SLITRK3: variants seen among roughly 807,000 people sequenced by gnomAD.
SLITRK3 encodes the protein SLIT and NTRK-like protein 3.
Under a neutral mutation model 63.6 loss-of-function variants are expected in SLITRK3, and 16 were observed. That is an observed-to-expected ratio of 0.25 (90% confidence interval 0.17 to 0.38). SLITRK3 has a LOEUF of 0.38. Among genes scored for constraint, SLITRK3 ranks in the 10% least tolerant of loss-of-function variants. SLITRK3 has a pLI of 1.00. For missense variants in SLITRK3, 1,117 were observed against 1,181.4 expected (o/e 0.95, Z 0.80); for synonymous variants, 547 against 451.6 (o/e 1.21, Z -2.68).
rs1354194536 is a variant in SLITRK3 at position 165,187,486 on chromosome 3, T to C, written c.*411A>G. 1 of 154,030 alleles carries C rather than the reference T, an allele frequency of 6.5e-6. No homozygotes were observed. The highest frequency in any genetic ancestry group is 6.6e-5 in the Admixed American group (1 of 15,216). The allele number at this position is 154,030 out of a possible 1,614,324, so 9.5% of individuals were successfully genotyped here. A position where few individuals can be genotyped will look rare whatever the true frequency, so the allele number is the denominator to read the frequency against. The stretch of plus-strand genomic sequence containing the variant: ...ACAAATGTCAACTTGTTTCCCCCCC[T>C]TTAAATCAAAACTACAACTATAAAA... On this transcript the variant is annotated 3_prime_UTR_variant, in exon 2 of 2. Coordinates refer to ENST00000475390, the MANE Select transcript of SLITRK3 (RefSeq NM_001318810.2).
chr3:165,196,436 G>T (rs941906049), upstream of SLITRK3, among the ~76,000 whole-genome samples: 2 of 146,988 alleles, frequency 1.4e-5, no homozygotes, highest in African/African-American at 5.0e-5. Flanking sequence ...AAGGTGCGGG[G>T]GAGGGGGGTG....
chr3:165,190,273 G>A lies in SLITRK3; in HGVS notation c.558C>T (p.Pro186=). The A allele has an allele frequency of 6.2e-7, 1 of 1,614,120 alleles. No homozygotes were observed. The highest frequency in any genetic ancestry group is 8.5e-7 in the Non-Finnish European group (1 of 1,179,988). The change falls in exon 2 of 2, where the codon CCC becomes CCT. Residue 186 remains proline, a synonymous_variant. Transcript: ENST00000475390. ...CCTTAAATAAATTGGTTGGAAGCAT[G>A]GGGATGAGATTATCATTTAAAATCA... is the stretch of plus-strand genomic sequence containing the variant. ...RVLILNDNLI[P]MLPTNLFKAV...
rs144918668 is a variant in SLITRK3 at position 165,188,248 on chromosome 3, G to A, written c.2583C>T (p.Arg861=). The A allele has an allele frequency of 9.9e-6, 16 of 1,613,512 alleles. No homozygotes were observed. The highest frequency in any genetic ancestry group is 1.3e-5 in the Non-Finnish European group (15 of 1,179,872). ...CCACCCCACCATTTTTCTCATGGTG[G>A]CGGAACCCTGCCAAGTCTCCCCCAG... is the stretch of plus-strand genomic sequence containing the variant. ...GGTGGDLAGF[R]HHEKNGGVVL... Residue 861 remains arginine, a synonymous_variant, in exon 2 of 2, where the codon CGC becomes CGT. Coordinates refer to ENST00000475390, the MANE Select transcript of SLITRK3 (RefSeq NM_001318810.2).
At chr3:165,192,865 C>G (rs1212587437) in intron 1 of SLITRK3, among the ~76,000 whole-genome samples, 2 of 152,198 alleles carry the variant, frequency 1.3e-5, no homozygotes, top group African/African-American at 4.8e-5. Flanking sequence ...GGTGGCTGCT[C>G]TCTTTGGGTA....
chr3:165,188,929 C>T lies in SLITRK3; in HGVS notation c.1902G>A (p.Gly634=), dbSNP rs781743208. The T allele has an allele frequency of 2.5e-6, 4 of 1,614,044 alleles. No individual in the cohort carries two copies. Among genetic ancestry groups the T allele is most frequent in the African/African-American group, 1.3e-5 (1 of 75,028 alleles). Residue 634 remains glycine (G), a synonymous_variant, in exon 2 of 2, where the codon GGG becomes GGA. Coordinates refer to ENST00000475390, the MANE Select transcript of SLITRK3 (RefSeq NM_001318810.2). ...PAQPGDSHLI[G]APTSASPYEF... is the part of the protein sequence containing the mutation. Reference sequence around the variant, plus strand: ...CATAAGGTGATGCACTGGTTGGTGCCCCAATAAGGTGAGAATCTCCAGGCT... The same window carrying T: ...CATAAGGTGATGCACTGGTTGGTGCTCCAATAAGGTGAGAATCTCCAGGCT...
upstream of SLITRK3, chr3:165,196,545 C>T (rs1718424799): frequency 6.5e-6 from 1 of 153,348 alleles, no homozygotes; most frequent in South Asian, 1.8e-4. Flanking sequence ...AAAAGTGCCA[C>T]TTTAATGGCC....
chr3:165,189,235 G>C lies in SLITRK3; in HGVS notation c.1596C>G (p.Leu532=). ...AGAGGAAGTAGTTCTTCCTCAGGTT[G>C]AGCCGGGCCAGGGATGTGCCAGCAA... is the stretch of plus-strand genomic sequence containing the variant. ...DAFAGTSLAR[L]NLRKNYFLYL... Residue 532 remains leucine (L), a synonymous_variant, in exon 2 of 2, where the codon CTC becomes CTG. Coordinates refer to ENST00000475390, the MANE Select transcript of SLITRK3 (RefSeq NM_001318810.2). This position sits in a 1 kb window ranked among gnomAD's most constrained non-coding sequence, Gnocchi z 4.0. 1 of 1,614,186 alleles carries C rather than the reference G, an allele frequency of 6.2e-7. No individual in the cohort carries two copies. Among genetic ancestry groups the C allele is most frequent in the African/African-American group, 1.3e-5 (1 of 75,046 alleles).
chr3:165,195,211 G>T (rs1718375119), intron 1 of SLITRK3, among the ~76,000 whole-genome samples: 1 of 152,140 alleles, frequency 6.6e-6, no homozygotes, highest in Non-Finnish European at 1.5e-5. Flanking sequence ...CAGGCGAAAC[G>T]CACAATGGTC....
Position 165,189,134 on chromosome 3 carries a change from C to T in SLITRK3, c.1697G>A (p.Cys566Tyr). 6.2e-7 allele frequency: 1 copy of T among 1,614,176 alleles called. No individual in the cohort carries two copies. The highest frequency in any genetic ancestry group is 8.5e-7 in the Non-Finnish European group (1 of 1,180,038). Residue 566 changes from cysteine to tyrosine, a missense_variant, in exon 2 of 2, where the codon TGC becomes TAC. Coordinates refer to ENST00000475390, the MANE Select transcript of SLITRK3 (RefSeq NM_001318810.2). This position sits in a 1 kb window ranked among gnomAD's most constrained non-coding sequence, Gnocchi z 4.0. ...QIDLNENPWD[C>Y]TCDLVPFKQW... ...TTTAAAGGGGACCAGGTCACAGGTG[C>T]AGTCCCAAGGATTCTCATTGAGGTC...
rs1718072438 is a variant in SLITRK3 at position 165,188,921 on chromosome 3, G to A, written c.1910C>T (p.Thr637Ile). 1 of 1,614,030 alleles carries A rather than the reference G, an allele frequency of 6.2e-7. No homozygotes were observed. Among genetic ancestry groups the A allele is most frequent in the African/African-American group, 1.3e-5 (1 of 74,942 alleles). ...PGDSHLIGAPTSASPYEFSPP... is the reference protein window; with the variant it reads ...PGDSHLIGAPISASPYEFSPP... Reference sequence around the variant, plus strand: ...AGAAAACTCATAAGGTGATGCACTGGTTGGTGCCCCAATAAGGTGAGAATC... The same window carrying A: ...AGAAAACTCATAAGGTGATGCACTGATTGGTGCCCCAATAAGGTGAGAATC... Residue 637 changes from threonine to isoleucine, a missense_variant, in exon 2 of 2, where the codon ACC becomes ATC. Physicochemically the swap from Thr to Ile is moderately conservative, Grantham distance 89. Around this residue, in one of 4 missense-constraint regions of SLITRK3, gnomAD observed 499 missense variants for 463.6 expected, o/e 1.08. Coordinates refer to ENST00000475390, the MANE Select transcript of SLITRK3 (RefSeq NM_001318810.2).
In SLITRK3 at chr3:165,188,580, A is replaced by G; in HGVS notation, c.2251T>C (p.Cys751Arg). 1 of 1,613,914 alleles carries G rather than the reference A, an allele frequency of 6.2e-7. No homozygotes were observed. Among genetic ancestry groups the G allele is most frequent in the Non-Finnish European group, 8.5e-7 (1 of 1,179,970 alleles). ...CGAGGCTTGTAGATGGGGTTGTTGC[A>G]CATTTGGGTAACCGGGTGGGGGATG... The part of the protein sequence containing the change: ...EYIPHPVTQM[C>R]NNPIYKPREE... The change falls in exon 2 of 2, where the codon TGC becomes CGC. Residue 751 changes from cysteine (C) to arginine (R), a missense_variant. Physicochemically the swap from Cys to Arg is radical, Grantham distance 180 (BLOSUM62 -3). Coordinates refer to ENST00000475390, the MANE Select transcript of SLITRK3 (RefSeq NM_001318810.2).
At chr3:165,193,329 G>A (rs1049577617) in intron 1 of SLITRK3, among the ~76,000 whole-genome samples, 5 of 150,842 alleles carry the variant, frequency 3.3e-5, no homozygotes, top group African/African-American at 1.2e-4. Context: ...AAACTCTCAA[G>A]GAAACCATCC....
intron 1 of SLITRK3, among the ~76,000 whole-genome samples, chr3:165,192,215 C>A (rs3729576): frequency 0.43 from 65,970 of 151,666 alleles, 16,472 homozygotes; most frequent in Non-Finnish European, 0.57. Context: ...AATAAATCTT[C>A]ACATTACACT....
Position 165,190,021 on chromosome 3 carries a change from C to T in SLITRK3, c.810G>A (p.Lys270=), listed in dbSNP as rs1225944259. ...CTGTCTTCCTGATTTCTCGTAGGTC[C>T]TTTCCATGGAAGTGGAAAGGGGTCT... ...TCETPFHFHG[K]DLREIRKTEL... The change falls in exon 2 of 2, where the codon AAG becomes AAA. Residue 270 remains lysine (K), a synonymous_variant. Transcript: ENST00000475390. 2.9e-5 allele frequency: 46 copies of T among 1,613,960 alleles called. No homozygotes were observed. Among genetic ancestry groups the T allele is most frequent in the Non-Finnish European group, 3.6e-5 (43 of 1,180,022 alleles).
Position 165,193,281 on chromosome 3 carries a change from CT to C in SLITRK3, c.-22+2298del, listed in dbSNP as rs1560056108. 2.8e-4 allele frequency among the ~76,000 whole-genome samples: 8 copies of C among 28,548 alleles called. No individual in the cohort carries two copies. The East Asian group carries it at 0.01, about 37-fold the overall frequency. 18.7% of individuals were successfully genotyped at this position (28,548 alleles called of 152,430 possible). On this transcript the variant is annotated intron_variant, in intron 1 of 1. Transcript: ENST00000475390. ...GGAGGGGGGCAGGGATAGGCATTTT[CT>C]TTCTTTCTTTCTTTCTTTCTTTCTT...
At chr3:165,193,302 TTTCTTTC>T (rs1482763959) in intron 1 of SLITRK3, among the ~76,000 whole-genome samples, 5 of 117,546 alleles carry the variant, frequency 4.3e-5, no homozygotes, top group Non-Finnish European at 9.5e-5. Flanking sequence ...TCTTTCTTTC[TTTCTTTC>T]TTTTTTTTTA....
chr3:165,188,940 G>A lies in SLITRK3; in HGVS notation c.1891C>T (p.His631Tyr). Reference protein sequence around the residue: ...GESPAQPGDSHLIGAPTSASP... With the variant: ...GESPAQPGDSYLIGAPTSASP... ...GCACTGGTTGGTGCCCCAATAAGGT[G>A]AGAATCTCCAGGCTGGGCTGGGGAT... is the stretch of plus-strand genomic sequence containing the variant. Residue 631 changes from histidine (H) to tyrosine (Y), a missense_variant, in exon 2 of 2, where the codon CAC (histidine) becomes TAC (tyrosine). Coordinates refer to ENST00000475390, the MANE Select transcript of SLITRK3 (RefSeq NM_001318810.2). The A allele has an allele frequency of 6.2e-7, 1 of 1,614,094 alleles. No individual in the cohort carries two copies. Among genetic ancestry groups the A allele is most frequent in the Non-Finnish European group, 8.5e-7 (1 of 1,179,996 alleles).
At chr3:165,196,897 G>GTCTTTCTCTCTC (rs1718450127), upstream of SLITRK3, 1 of 96,474 alleles carries the variant, frequency 1.0e-5, no homozygotes, top group Non-Finnish European at 2.0e-5. Context: ...CTCTCTCTCT[G>GTCTTTCTCTCTC]TCTCTCTCTC....
At chr3:165,194,838 T>C (rs1718363070) in intron 1 of SLITRK3, among the ~76,000 whole-genome samples, 1 of 152,188 alleles carries the variant, frequency 6.6e-6, no homozygotes, top group African/African-American at 2.4e-5. Flanking sequence ...TCCTAAAGGC[T>C]ATCTCACCTT....
Sources: gnomAD v4.1 joint callset for allele counts (sites outside exome capture counted in the v4.1 genomes callset) on GRCh38, gnomAD v4.1.1 for gene constraint, gnomAD v4.1.1 regional missense constraint, Gnocchi (gnomAD v3.1) non-coding constraint, MANE v1.5 for transcripts, NCBI Gene and HGNC (gene_info 2026-07-23, HGNC 2026-07-21) for gene names.